Variants in TK2 observed in about 807,000 individuals in gnomAD.
The protein encoded by TK2 is thymidine kinase 2.
TK2 carries 35 observed loss-of-function variants against 41.9 expected under a neutral mutation model. The observed-to-expected ratio is 0.84, with a 90% CI of 0.64 to 1.11. The LOEUF (loss-of-function observed/expected upper bound fraction) is 1.11, where lower values mean the gene tolerates loss of function less well. TK2 is among the 50% of genes least tolerant of loss of function. TK2 has a pLI of 0.00. For synonymous variants in TK2, 128 were observed against 129.1 expected, an observed-to-expected ratio of 0.99 and a Z score of 0.06; for missense variants, 320 against 351.1, an observed-to-expected ratio of 0.91 and a Z score of 0.71.
intron 6 of TK2, among the ~76,000 whole-genome samples, chr16:66,526,086 A>C (rs570187883): frequency 4.0e-4 from 61 of 152,178 alleles, no homozygotes; most frequent in Non-Finnish European, 7.5e-4. Context: ...GCCCATGGCC[A>C]TCAGCAGGAA....
In TK2 at chr16:66,508,676, C is replaced by T. The variant is rs559242032; in HGVS notation, c.*3292G>A. 6.6e-6 allele frequency: 1 copy of T among 152,196 alleles called. No homozygotes were observed. Among genetic ancestry groups the T allele is most frequent in the African/African-American group, 2.4e-5 (1 of 41,438 alleles). 9.4% of individuals were successfully genotyped at this position (152,196 alleles called of 1,614,324 possible). A position where few individuals can be genotyped will look rare whatever the true frequency, so the allele number is the denominator to read the frequency against. ...TGCTCTGAGGTTTAAATGGCACCAC[C>T]GTCACTCGGGTCTAATGGTGCATGT... On this transcript the variant is annotated 3_prime_UTR_variant, in exon 10 of 10. Transcript: ENST00000544898.
At chr16:66,530,037 T>G (rs1227944628) in intron 5 of TK2, among the ~76,000 whole-genome samples, 1 of 152,210 alleles carries the variant, frequency 6.6e-6, no homozygotes, top group African/African-American at 2.4e-5. Flanking sequence ...GGTTTGCAAT[T>G]GAGTGCCTGC....
intron 1 of TK2, chr16:66,549,645 G>T: frequency 5.0e-6 from 6 of 1,197,112 alleles, no homozygotes; most frequent in Non-Finnish European, 6.2e-6. Context: ...AAAGAATCGG[G>T]ACAGGAAATG....
intron 2 of TK2, among the ~76,000 whole-genome samples, chr16:66,542,497 T>C (rs1477696281): frequency 6.6e-6 from 1 of 152,170 alleles, no homozygotes; most frequent in Non-Finnish European, 1.5e-5. Flanking sequence ...CACACCATTA[T>C]CACATGTAAC....
rs1964649180 is a variant in TK2 at position 66,517,453 on chromosome 16, G to A, written c.539-238C>T. 4.9e-6 allele frequency: 3 copies of A among 614,978 alleles called. No individual in the cohort carries two copies. The South Asian group carries it at 5.6e-5, about 12-fold the overall frequency. 38.1% of individuals were successfully genotyped at this position (614,978 alleles called of 1,614,324 possible). A position where few individuals can be genotyped will look rare whatever the true frequency, so the allele number is the denominator to read the frequency against. ...TGTTCATAGACAGAGCTCAAAACAGGCCTCACACCCAGCAGGTCTCAGTGA... is the reference window on the plus strand; with the variant it reads ...TGTTCATAGACAGAGCTCAAAACAGACCTCACACCCAGCAGGTCTCAGTGA... On this transcript the variant is annotated intron_variant, in intron 7 of 9. Transcript: ENST00000544898. The surrounding 1 kb of genome is among the most constrained non-coding windows in gnomAD (Gnocchi z 4.3).
intron 2 of TK2, 151 bp downstream of exon 2, chr16:66,548,827 A>T: frequency 2.7e-6 from 2 of 744,884 alleles, no homozygotes; most frequent in Non-Finnish European, 4.7e-6. Context: ...GTGGCCTTCT[A>T]GGAGGGTGAC....
chr16:66,518,111 ATGGGAGAATTCACT>A (rs1847947318), intron 6 of TK2: 1 of 559,688 alleles, frequency 1.8e-6, no homozygotes, highest in African/African-American at 1.9e-5. Context: ...GCACGGAGTG[ATGGGAGAATTCACT>A]TGGGATTGGA....
intron 3 of TK2, among the ~76,000 whole-genome samples, chr16:66,538,329 C>A (rs894429498): frequency 6.6e-6 from 1 of 152,090 alleles, no homozygotes; most frequent in Non-Finnish European, 1.5e-5. Context: ...CTCCTGTATA[C>A]CCTTCAAAAT....
At chr16:66,513,368 A>C (rs2241618) in intron 9 of TK2, among the ~76,000 whole-genome samples, 9,239 of 152,252 alleles carry the variant, frequency 0.061, 386 homozygotes, top group South Asian at 0.18. Flanking sequence ...CACCAAACAA[A>C]GGTGAAATGA....
chr16:66,549,949 G>T lies in TK2; in HGVS notation c.113C>A (p.Ala38Asp). 2 of 1,365,970 alleles carry T rather than the reference G, an allele frequency of 1.5e-6. No homozygotes were observed. Among genetic ancestry groups the T allele is most frequent in the Non-Finnish European group, 1.9e-6 (2 of 1,068,560 alleles). 84.6% of individuals were successfully genotyped at this position (1,365,970 alleles called of 1,614,324 possible). The change falls in exon 1 of 10, where the codon GCC (alanine) becomes GAC (aspartate). Residue 38 changes from alanine to aspartate, a missense_variant. By Grantham distance (126) the Ala-to-Asp change is moderately radical (BLOSUM62 -2). Coordinates refer to ENST00000544898, the MANE Select transcript of TK2 (RefSeq NM_004614.5). Reference sequence around the variant, plus strand: ...AAGACGCGCGTTACCGGGAGGCCAGGCCCGGCGCTGCACCCTCCGCGGCCC... The same window carrying T: ...AAGACGCGCGTTACCGGGAGGCCAGTCCCGGCGCTGCACCCTCCGCGGCCC... Reference protein sequence around the residue: ...GPGPRRVQRRAWPPDKEQEKE... With the variant: ...GPGPRRVQRRDWPPDKEQEKE...
intron 4 of TK2, among the ~76,000 whole-genome samples, chr16:66,536,435 G>A (rs1200010800): frequency 1.3e-5 from 2 of 152,076 alleles, no homozygotes; most frequent in Non-Finnish European, 2.9e-5. Context: ...TCGAATTGGG[G>A]AAGGTGAAGG....
chr16:66,518,066 G>A (rs745665676), intron 6 of TK2, 189 bp from the exon 7 acceptor site: 2 of 647,546 alleles, frequency 3.1e-6, no homozygotes, highest in African/African-American at 3.6e-5. Flanking sequence ...CTGCTGCCTG[G>A]GAGCGGCTTA....
chr16:66,512,026 A>G lies in TK2; in HGVS notation c.740T>C (p.Leu247Pro). 6.2e-7 allele frequency: 1 copy of G among 1,614,194 alleles called. No homozygotes were observed. Among genetic ancestry groups the G allele is most frequent in the Non-Finnish European group, 8.5e-7 (1 of 1,180,040 alleles). ...TATTCGATCCCGATTTTGTTCAAAGAGTTCTAACATCCTCTCCATGTGGTG... is the reference window on the plus strand; with the variant it reads ...TATTCGATCCCGATTTTGTTCAAAGGGTTCTAACATCCTCTCCATGTGGTG... The part of the protein sequence containing the change: ...ADHHMERMLE[L>P]FEQNRDRILT... The change falls in exon 10 of 10, where the codon CTC becomes CCC. Residue 247 changes from leucine (L) to proline (P), a missense_variant. Physicochemically the swap from Leu to Pro is moderately conservative, Grantham distance 98 (BLOSUM62 -3). Coordinates refer to ENST00000544898, the MANE Select transcript of TK2 (RefSeq NM_004614.5).
rs1964533884 is a variant in TK2 at position 66,514,124 on chromosome 16, C to A, written c.619-313G>T. Among the ~76,000 whole-genome samples the A allele has an allele frequency of 6.6e-6, 1 of 151,944 alleles. No individual in the cohort carries two copies. Among genetic ancestry groups the A allele is most frequent in the African/African-American group, 2.4e-5 (1 of 41,316 alleles). On this transcript the variant is annotated intron_variant, in intron 8 of 9. Coordinates refer to ENST00000544898, the MANE Select transcript of TK2 (RefSeq NM_004614.5). This position sits in a 1 kb window ranked among gnomAD's most constrained non-coding sequence, Gnocchi z 4.2. The stretch of plus-strand genomic sequence containing the variant: ...AGGCAAAAGGCAGGACCCCCTCCCC[C>A]TCCCCCTCTCCCTCTCCCCTTTGCA...
rs1003627218 is a variant in TK2, at chr16:66,514,614, G to A, written c.619-803C>T. The stretch of plus-strand genomic sequence containing the variant: ...GATGTGAGGACCCCTCTGCCCGGCC[G>A]CTCAGTCTGGGAAGTGAGGAGCCCC... On this transcript the variant is annotated intron_variant, in intron 8 of 9. Coordinates refer to ENST00000544898, the MANE Select transcript of TK2 (RefSeq NM_004614.5). The surrounding 1 kb of genome is among the most constrained non-coding windows in gnomAD (Gnocchi z 4.2). Among the ~76,000 whole-genome samples the A allele has an allele frequency of 9.2e-5, 14 of 152,112 alleles. No individual in the cohort carries two copies. Among genetic ancestry groups the A allele is most frequent in the African/African-American group, 1.7e-4 (7 of 41,508 alleles).
chr16:66,511,671 T>C lies in TK2; in HGVS notation c.*297A>G, dbSNP rs1964453703. 11 of 475,882 alleles carry C rather than the reference T, an allele frequency of 2.3e-5. No individual in the cohort carries two copies. In the Admixed American group the frequency reaches 3.7e-4, roughly 16 times the overall value. 29.5% of individuals were successfully genotyped at this position (475,882 alleles called of 1,614,324 possible). On this transcript the variant is annotated 3_prime_UTR_variant, in exon 10 of 10. Transcript: ENST00000544898. ...GTGGTGTCAGGCACACAACAGGTGC[T>C]CTCCCTAAGGGCTTCATGAGAGCGA...
Position 66,511,800 on chromosome 16 carries a change from G to C in TK2, c.*168C>G. On this transcript the variant is annotated 3_prime_UTR_variant, in exon 10 of 10. Transcript: ENST00000544898. ...GTCCCGTTTGTCATTTACCCACGAG[G>C]GCCAGAGACGCATGACAAAGACACT... is the stretch of plus-strand genomic sequence containing the variant. The C allele has an allele frequency of 4.4e-6, 3 of 685,494 alleles. No individual in the cohort carries two copies. The highest frequency in any genetic ancestry group is 7.9e-6 in the Non-Finnish European group (3 of 380,178). The allele number at this position is 685,494 out of a possible 1,614,324, so 42.5% of individuals were successfully genotyped here.
chr16:66,547,050 GC>G (rs1339823249), intron 2 of TK2, among the ~76,000 whole-genome samples: 2 of 152,156 alleles, frequency 1.3e-5, no homozygotes, highest in African/African-American at 4.8e-5. Flanking sequence ...ATTAGGTATG[GC>G]CCTGTTGGAT....
At position 66,517,971 on chromosome 16, in the gene TK2, A is replaced by G; in HGVS notation, c.450-94T>C. The G allele has an allele frequency of 3.0e-6, 3 of 1,015,400 alleles. No individual in the cohort carries two copies. The highest frequency in any genetic ancestry group is 4.7e-6 in the Non-Finnish European group (3 of 636,182). 62.9% of individuals were successfully genotyped at this position (1,015,400 alleles called of 1,614,324 possible). On this transcript the variant is annotated intron_variant, in intron 6 of 9. Coordinates refer to ENST00000544898, the MANE Select transcript of TK2 (RefSeq NM_004614.5). This position sits in a 1 kb window ranked among gnomAD's most constrained non-coding sequence, Gnocchi z 4.3. ...GGATCTTGAGACGGCTCTCAATGAA[A>G]GGAGTCACCAAGGGTACCAGGGCAC...
Sources: allele counts gnomAD v4.1 joint callset (sites outside exome capture counted in the v4.1 genomes callset), GRCh38; gene constraint gnomAD v4.1.1; non-coding constraint Gnocchi (gnomAD v3.1); transcripts MANE v1.5; gene names NCBI Gene and HGNC (gene_info 2026-07-23, HGNC 2026-07-21).